The following PLPPR1 variants were observed in gnomAD, a reference collection of about 807,000 sequenced individuals.
PLPPR1 encodes phospholipid phosphatase related 1, also known as phospholipid phosphatase-related protein type 1.
PLPPR1 carries 10 observed loss-of-function variants against 33.1 expected under a neutral mutation model. The ratio of observed to expected loss-of-function variants is 0.30; its 90% CI spans 0.19 to 0.51. The LOEUF (loss-of-function observed/expected upper bound fraction) is 0.51, where lower values mean the gene tolerates loss of function less well. Among genes scored for constraint, PLPPR1 ranks in the 20% least tolerant of loss-of-function variants. The pLI, the probability that PLPPR1 is intolerant of heterozygous loss-of-function variation, is 0.97. For synonymous variants in PLPPR1, 151 were observed against 151.0 expected, an observed-to-expected ratio of 1.00 and a Z score of 0.00; for missense variants, 304 against 408.1, an observed-to-expected ratio of 0.74 and a Z score of 2.20.
chr9:101,283,435 T>A (rs1465845065), intron 3 of PLPPR1, among the ~76,000 whole-genome samples: 7 of 152,232 alleles, frequency 4.6e-5, no homozygotes. Flanking sequence ...TAATAAATTG[T>A]GTTAGGAAAA....
chr9:101,125,546 G>A (rs1831234851), intron 1 of PLPPR1: 2 of 459,938 alleles, frequency 4.3e-6, no homozygotes, highest in Non-Finnish European at 8.1e-6. Flanking sequence ...GAAGGGAATA[G>A]GAAGTGCTGT....
At position 101,096,249 on chromosome 9, in the gene PLPPR1, T is replaced by C. The variant is rs574282336; in HGVS notation, c.-46+67147T>C. On this transcript the variant is annotated intron_variant, in intron 1 of 7. Transcript: ENST00000374874. ...GCATCAGGAAAGGGCCTGGGGGCCATAGAGGACCAAGTATACCTTTCAGAA... is the reference window on the plus strand; with the variant it reads ...GCATCAGGAAAGGGCCTGGGGGCCACAGAGGACCAAGTATACCTTTCAGAA... Among the ~76,000 whole-genome samples, 254 of 152,274 alleles carry C rather than the reference T, an allele frequency of 1.7e-3. 6 individuals are homozygous for C. The highest frequency in any genetic ancestry group is 6.0e-4 in the Non-Finnish European group (41 of 68,032).
chr9:101,098,682 C>T (rs1407294765), intron 1 of PLPPR1, among the ~76,000 whole-genome samples: 1 of 151,992 alleles, frequency 6.6e-6, no homozygotes, highest in African/African-American at 2.4e-5. Context: ...ACAGTGCATC[C>T]CTTTAAAAAT....
intron 2 of PLPPR1, among the ~76,000 whole-genome samples, chr9:101,223,971 T>C (rs1827007505): frequency 6.6e-6 from 1 of 152,174 alleles, no homozygotes; most frequent in Non-Finnish European, 1.5e-5. Context: ...TGTAATAATA[T>C]GAAACCTCTG....
intron 3 of PLPPR1, among the ~76,000 whole-genome samples, chr9:101,285,605 CTAAT>C (rs549045966): frequency 1.3e-4 from 20 of 152,254 alleles, no homozygotes; most frequent in African/African-American, 3.6e-4. Context: ...TTACCATAGA[CTAAT>C]TGATATAAAG....
chr9:101,122,314 T>G (rs557557038), intron 1 of PLPPR1, among the ~76,000 whole-genome samples: 1 of 152,188 alleles, frequency 6.6e-6, no homozygotes, highest in Admixed American at 6.5e-5. Context: ...TTCCTTCGTT[T>G]TACAAATACT....
At chr9:101,135,387 C>T (rs907780672) in intron 1 of PLPPR1, among the ~76,000 whole-genome samples, 2 of 152,178 alleles carry the variant, frequency 1.3e-5, no homozygotes, top group Non-Finnish European at 2.9e-5. Flanking sequence ...TCTATTGTAT[C>T]ACATCACTTG....
chr9:101,121,933 T>C (rs891070849), intron 1 of PLPPR1, among the ~76,000 whole-genome samples: 6 of 152,166 alleles, frequency 3.9e-5, no homozygotes, highest in African/African-American at 1.2e-4. Context: ...TGTGGTTAAG[T>C]GATTTCATTA....
intron 2 of PLPPR1, among the ~76,000 whole-genome samples, chr9:101,237,331 A>G (rs1241621903): frequency 6.6e-6 from 1 of 151,732 alleles, no homozygotes; most frequent in African/African-American, 2.4e-5. Context: ...TGTCTACCCT[A>G]AGGAAAATAA....
intron 1 of PLPPR1, among the ~76,000 whole-genome samples, chr9:101,184,812 A>G (rs147323425): frequency 2.0e-5 from 3 of 152,126 alleles, no homozygotes; most frequent in African/African-American, 7.2e-5. Flanking sequence ...TGAATGTCTT[A>G]TAAGTTAAAT....
rs1377114972 is a variant in PLPPR1 at position 101,102,153 on chromosome 9, TTA to T, written c.-46+73053_-46+73054del. ...TAGCTTTATTCTTTTTTTTTTTATTTTATTATTATACTTTAAGTTTTAGGGTA... is the reference window on the plus strand; with the variant it reads ...TAGCTTTATTCTTTTTTTTTTTATTTTTATTATACTTTAAGTTTTAGGGTA... On this transcript the variant is annotated intron_variant, in intron 1 of 7. Transcript: ENST00000374874. Among the ~76,000 whole-genome samples, 1,026 of 128,722 alleles carry T rather than the reference TTA, an allele frequency of 8.0e-3. 12 individuals are homozygous for T. The highest frequency in any genetic ancestry group is 0.017 in the East Asian group (48 of 2,764). The allele number at this position is 128,722 out of a possible 152,430, so 84.4% of individuals were successfully genotyped here. A position where few individuals can be genotyped will look rare whatever the true frequency, so the allele number is the denominator to read the frequency against.
At chr9:101,049,003 T>G (rs1038301639) in intron 1 of PLPPR1, among the ~76,000 whole-genome samples, 1 of 152,210 alleles carries the variant, frequency 6.6e-6, no homozygotes, top group Non-Finnish European at 1.5e-5. Flanking sequence ...TCAATTTCAC[T>G]AGTGGTTAGA....
At chr9:101,220,401 G>A (rs1171092949) in intron 2 of PLPPR1, among the ~76,000 whole-genome samples, 1 of 152,188 alleles carries the variant, frequency 6.6e-6, no homozygotes, top group Non-Finnish European at 1.5e-5. Flanking sequence ...GCCCTGCCAA[G>A]TGTTACACAG....
intron 1 of PLPPR1, among the ~76,000 whole-genome samples, chr9:101,107,792 A>G (rs1481248736): frequency 2.1e-5 from 3 of 142,744 alleles, no homozygotes; most frequent in African/African-American, 8.0e-5. Context: ...TGTGCTAGCA[A>G]TCAGCGAGAT....
chr9:101,190,040 C>T (rs929730668), intron 2 of PLPPR1, among the ~76,000 whole-genome samples: 1 of 152,058 alleles, frequency 6.6e-6, no homozygotes, highest in African/African-American at 2.4e-5. Flanking sequence ...GAGAGTATCA[C>T]TTTGGAGGAA....
At chr9:101,061,688 A>G (rs1734138985) in intron 1 of PLPPR1, among the ~76,000 whole-genome samples, 1 of 150,862 alleles carries the variant, frequency 6.6e-6, no homozygotes, top group African/African-American at 2.4e-5. Flanking sequence ...CTTGTTAGAG[A>G]CTATTTTCTT....
At chr9:101,177,413 T>C (rs1483071734) in intron 1 of PLPPR1, among the ~76,000 whole-genome samples, 1 of 152,208 alleles carries the variant, frequency 6.6e-6, no homozygotes, top group Non-Finnish European at 1.5e-5. Context: ...AGACAGTTCA[T>C]TGTTAGTGTA....
At chr9:101,200,739 C>A (rs1184504670) in intron 2 of PLPPR1, among the ~76,000 whole-genome samples, 1 of 152,102 alleles carries the variant, frequency 6.6e-6, no homozygotes, top group Non-Finnish European at 1.5e-5. Context: ...TGATATTAAA[C>A]CCTGCAACTT....
At chr9:101,034,851 A>G (rs1829990991) in intron 1 of PLPPR1, among the ~76,000 whole-genome samples, 1 of 152,142 alleles carries the variant, frequency 6.6e-6, no homozygotes, top group Non-Finnish European at 1.5e-5. Context: ...GTTGGCTTGA[A>G]TCCTGTCTTC....
Sources: allele counts gnomAD v4.1 joint callset (sites outside exome capture counted in the v4.1 genomes callset), GRCh38; gene constraint gnomAD v4.1.1; transcripts MANE v1.5; gene names NCBI Gene and HGNC (gene_info 2026-07-23, HGNC 2026-07-21).